NRG3: variants seen among roughly 807,000 people sequenced by gnomAD.
NRG3 encodes neuregulin 3.
Under a neutral mutation model 66.9 loss-of-function variants are expected in NRG3, and 31 were observed. The ratio of observed to expected loss-of-function variants is 0.46; its 90% CI spans 0.35 to 0.63. NRG3 has a LOEUF of 0.63. Ranked by LOEUF, NRG3 falls within the 20% of genes least tolerant of loss-of-function variation. The probability of loss-of-function intolerance (pLI) is 0.00; values close to 1 mark genes in which losing one functional copy is unlikely to be tolerated. For synonymous variants in NRG3, 393 were observed against 359.4 expected, an observed-to-expected ratio of 1.09 and a Z score of -1.06; for missense variants, 910 against 878.9, an observed-to-expected ratio of 1.04 and a Z score of -0.45.
intron 2 of NRG3, among the ~76,000 whole-genome samples, chr10:82,616,283 T>C (rs2048644056): frequency 6.6e-6 from 1 of 152,226 alleles, no homozygotes; most frequent in Non-Finnish European, 1.5e-5. Flanking sequence ...GGTAAAACCT[T>C]AGATATAAAT....
chr10:82,048,165 C>G (rs1446138731), intron 1 of NRG3, among the ~76,000 whole-genome samples: 3 of 151,974 alleles, frequency 2.0e-5, no homozygotes, highest in African/African-American at 7.3e-5. Context: ...CTTTAACACC[C>G]CACTGTCAAC....
intron 1 of NRG3, among the ~76,000 whole-genome samples, chr10:82,203,167 C>T (rs1040323008): frequency 2.0e-5 from 3 of 152,062 alleles, no homozygotes; most frequent in Non-Finnish European, 4.4e-5. Context: ...CAGCAACCAG[C>T]CAGGAGACTG....
At chr10:82,372,037 A>G (rs2084927252) in intron 2 of NRG3, among the ~76,000 whole-genome samples, 1 of 152,180 alleles carries the variant, frequency 6.6e-6, no homozygotes, top group African/African-American at 2.4e-5. Context: ...TAGCACTCAT[A>G]TGTACATAGA....
At chr10:82,228,486 C>T (rs2133853515) in intron 1 of NRG3, among the ~76,000 whole-genome samples, 1 of 152,094 alleles carries the variant, frequency 6.6e-6, no homozygotes, top group East Asian at 1.9e-4. Flanking sequence ...TATTGATTTG[C>T]TGTGTGGCCA....
intron 2 of NRG3, among the ~76,000 whole-genome samples, chr10:82,703,422 C>A (rs1402331502): frequency 6.6e-6 from 1 of 152,234 alleles, no homozygotes; most frequent in South Asian, 2.1e-4. Flanking sequence ...ACTTAAGGAG[C>A]TAGCTACCCC....
intron 1 of NRG3, among the ~76,000 whole-genome samples, chr10:82,164,400 A>G (rs2132998654): frequency 6.6e-6 from 1 of 152,232 alleles, no homozygotes; most frequent in South Asian, 2.1e-4. Context: ...CAAATGTACA[A>G]TATATTGTTG....
chr10:82,518,090 G>A (rs1845866058), intron 2 of NRG3, among the ~76,000 whole-genome samples: 1 of 152,070 alleles, frequency 6.6e-6, no homozygotes, highest in Non-Finnish European at 1.5e-5. Context: ...ATTTACTGTT[G>A]ACATAGGACA....
At position 82,985,836 on chromosome 10, in the gene NRG3, A is replaced by G. The variant is rs188689857; in HGVS notation, c.*231A>G. 199 of 493,878 alleles carry G rather than the reference A, an allele frequency of 4.0e-4. No homozygotes were observed. Among genetic ancestry groups the G allele is most frequent in the African/African-American group, 3.3e-3 (167 of 51,350 alleles). 30.6% of individuals were successfully genotyped at this position (493,878 alleles called of 1,614,324 possible). ...GCTTTTGGGTAGAATTCTGAATCCA[A>G]TTTCGTTTAGTCCCAACACTGTCCT... On this transcript the variant is annotated 3_prime_UTR_variant, in exon 9 of 9. Transcript: ENST00000372141.
chr10:82,465,115 G>A (rs1365381124), intron 2 of NRG3, among the ~76,000 whole-genome samples: 10 of 152,164 alleles, frequency 6.6e-5, no homozygotes, highest in Admixed American at 1.3e-4. Flanking sequence ...CCCTACAGTG[G>A]CACACCAGAG....
chr10:82,306,801 G>T (rs2080763407), intron 1 of NRG3, among the ~76,000 whole-genome samples: 1 of 148,708 alleles, frequency 6.7e-6, no homozygotes. Context: ...ACAGGGAAGG[G>T]TTCTTTGACA....
At position 81,913,425 on chromosome 10, in the gene NRG3, CT is replaced by C. The variant is rs796096026; in HGVS notation, c.823+37274del. On this transcript the variant is annotated intron_variant, in intron 1 of 8. Coordinates refer to ENST00000372141, the MANE Select transcript of NRG3 (RefSeq NM_001010848.4). ...CCATACTCTCACTCAGGACTTTTTT[CT>C]TTTTTTTTTTTCTTTGAGACAGAGT... is the stretch of plus-strand genomic sequence containing the variant. Among the ~76,000 whole-genome samples, 573 of 145,492 alleles carry C rather than the reference CT, an allele frequency of 3.9e-3. 3 individuals are homozygous for C. The highest frequency in any genetic ancestry group is 0.012 in the African/African-American group (469 of 40,028).
chr10:82,544,452 T>C (rs7918973), intron 2 of NRG3, among the ~76,000 whole-genome samples: 8,918 of 152,250 alleles, frequency 0.059, 583 homozygotes, highest in East Asian at 0.16. Context: ...CTATGTAACA[T>C]CCTCCCAATC....
chr10:82,125,490 GT>G (rs896724889), intron 1 of NRG3, among the ~76,000 whole-genome samples: 1 of 151,944 alleles, frequency 6.6e-6, no homozygotes, highest in African/African-American at 2.4e-5. Flanking sequence ...TTCTGTTAAA[GT>G]TTTTTGAAAA....
intron 2 of NRG3, among the ~76,000 whole-genome samples, chr10:82,498,679 A>G (rs1843843665): frequency 6.6e-6 from 1 of 152,270 alleles, no homozygotes; most frequent in East Asian, 1.9e-4. Context: ...GATGGAAGAG[A>G]GAGTCACTCC....
intron 2 of NRG3, among the ~76,000 whole-genome samples, chr10:82,453,019 GA>G: frequency 6.6e-6 from 1 of 152,256 alleles, no homozygotes; most frequent in Middle Eastern, 3.4e-3. Context: ...TACTCTAAAA[GA>G]GGAGTATGAA....
At chr10:82,712,690 C>G (rs760708573) in intron 2 of NRG3, among the ~76,000 whole-genome samples, 1 of 152,058 alleles carries the variant, frequency 6.6e-6, no homozygotes, top group African/African-American at 2.4e-5. Flanking sequence ...TCACTGGAGC[C>G]TAAGTTGTCA....
Position 82,734,727 on chromosome 10 carries a change from G to A in NRG3, c.954-3850G>A, listed in dbSNP as rs143309521. ...CAAATAACATGATCAAGAACTTACC[G>A]GTTTCCAGGCCAAGTGCAGTGGCTC... On this transcript the variant is annotated intron_variant, in intron 2 of 8. Transcript: ENST00000372141. Among the ~76,000 whole-genome samples the A allele has an allele frequency of 4.4e-3, 673 of 152,048 alleles. 4 individuals are homozygous for A. Among genetic ancestry groups the A allele is most frequent in the African/African-American group, 0.015 (631 of 41,470 alleles).
chr10:82,194,517 C>T (rs561575537), intron 1 of NRG3, among the ~76,000 whole-genome samples: 5 of 152,072 alleles, frequency 3.3e-5, no homozygotes, highest in Non-Finnish European at 5.9e-5. Context: ...GGAGAGAAGG[C>T]GAGAGTGTAG....
intron 2 of NRG3, among the ~76,000 whole-genome samples, chr10:82,532,792 T>C (rs1000229162): frequency 6.6e-6 from 1 of 151,552 alleles, no homozygotes; most frequent in Non-Finnish European, 1.5e-5. Flanking sequence ...AAAATCCCAG[T>C]AGTAGAGTTG....
Sources: gnomAD v4.1 joint callset for allele counts (sites outside exome capture counted in the v4.1 genomes callset) on GRCh38, gnomAD v4.1.1 for gene constraint, MANE v1.5 for transcripts, NCBI Gene and HGNC (gene_info 2026-07-23, HGNC 2026-07-21) for gene names.